The following MARCHF11 variants were observed in gnomAD, a reference collection of about 807,000 sequenced individuals.
The protein encoded by MARCHF11 is membrane associated ring-CH-type finger 11.
MARCHF11 carries 29 observed loss-of-function variants against 37.3 expected under a neutral mutation model. The ratio of observed to expected loss-of-function variants is 0.78; its 90% confidence interval spans 0.58 to 1.06. MARCHF11 has a LOEUF of 1.06. Ranked by LOEUF, MARCHF11 falls within the 50% of genes least tolerant of loss-of-function variation. The pLI, the probability that MARCHF11 is intolerant of heterozygous loss-of-function variation, is 0.00. For missense variants in MARCHF11, 482 were observed against 533.4 expected (o/e 0.90, Z 0.95); for synonymous variants, 233 against 228.0 (o/e 1.02, Z -0.20).
At position 16,070,420 on chromosome 5, in the gene MARCHF11, A is replaced by G. The variant is rs568702225; in HGVS notation, c.887-2627T>C. Among the ~76,000 whole-genome samples the G allele has an allele frequency of 1.9e-4, 29 of 152,356 alleles. No individual in the cohort carries two copies. In the South Asian group the frequency reaches 5.8e-3, roughly 30 times the overall value. ...TTAATTAAAAATCAATAGTGAATCT[A>G]TGTGGTGGGGAACACACATTCGCAC... On this transcript the variant is annotated intron_variant, in intron 3 of 3. Coordinates refer to ENST00000332432, the MANE Select transcript of MARCHF11 (RefSeq NM_001102562.3).
chr5:16,142,761 G>T (rs887522473), intron 2 of MARCHF11, among the ~76,000 whole-genome samples: 6 of 141,152 alleles, frequency 4.3e-5, no homozygotes, highest in African/African-American at 1.6e-4. Flanking sequence ...GCGTGATCTC[G>T]GCTCACCGCA....
At chr5:16,092,928 A>C in intron 2 of MARCHF11, among the ~76,000 whole-genome samples, 1 of 152,178 alleles carries the variant, frequency 6.6e-6, no homozygotes, top group East Asian at 1.9e-4. Flanking sequence ...GTGTCACCAA[A>C]CAGATATGAA....
intron 2 of MARCHF11, among the ~76,000 whole-genome samples, chr5:16,160,128 G>A (rs1738045763): frequency 6.6e-6 from 1 of 150,728 alleles, no homozygotes; most frequent in Admixed American, 6.6e-5. Flanking sequence ...ATCCAAATAA[G>A]TGATATTCTC....
At position 16,134,962 on chromosome 5, in the gene MARCHF11, A is replaced by G. The variant is rs75056237; in HGVS notation, c.693+42764T>C. On this transcript the variant is annotated intron_variant, in intron 2 of 3. Coordinates refer to ENST00000332432, the MANE Select transcript of MARCHF11 (RefSeq NM_001102562.3). ...CATGCCAACTAGTCTCTATACCTGC[A>G]GGATTATGAGTGATTTCTCTCTCTC... Among the ~76,000 whole-genome samples the G allele has an allele frequency of 4.7e-3, 705 of 149,890 alleles. 1 individual carries two copies. Among genetic ancestry groups the G allele is most frequent in the Non-Finnish European group, 8.1e-3 (550 of 67,836 alleles).
At chr5:16,073,778 C>T (rs1018424765) in intron 3 of MARCHF11, among the ~76,000 whole-genome samples, 1 of 152,048 alleles carries the variant, frequency 6.6e-6, no homozygotes, top group Non-Finnish European at 1.5e-5. Flanking sequence ...ACTACAATGT[C>T]TTAATTATAT....
intron 2 of MARCHF11, among the ~76,000 whole-genome samples, chr5:16,111,173 G>A (rs1318735577): frequency 6.6e-6 from 1 of 152,184 alleles, no homozygotes; most frequent in Admixed American, 6.5e-5. Flanking sequence ...GTAGAGTGGG[G>A]TGCTGCTGTA....
intron 2 of MARCHF11, chr5:16,129,277 G>C (rs1011426963): frequency 6.6e-6 from 1 of 152,116 alleles, no homozygotes; most frequent in Non-Finnish European, 1.5e-5. Flanking sequence ...AGTTGGGACC[G>C]TCCAAAGATA....
chr5:16,125,617 CTCTGTGTGTGTGTGTGTGTGTG>C (rs1737391461), intron 2 of MARCHF11, among the ~76,000 whole-genome samples: 2 of 116,924 alleles, frequency 1.7e-5, no homozygotes, highest in African/African-American at 6.8e-5. Context: ...CTGGCACACT[CTCTGTGTGTGTGTGTGTGTGTG>C]TGTGTGTGTG....
At chr5:16,123,385 T>C (rs1192171480) in intron 2 of MARCHF11, among the ~76,000 whole-genome samples, 1 of 152,156 alleles carries the variant, frequency 6.6e-6, no homozygotes, top group East Asian at 1.9e-4. Context: ...CAAGCAGAGA[T>C]GCCCTGAACA....
chr5:16,079,464 C>T (rs1736570697), intron 3 of MARCHF11, among the ~76,000 whole-genome samples: 1 of 152,224 alleles, frequency 6.6e-6, no homozygotes. Context: ...GGTCTTGCTG[C>T]TCTGCCTTCC....
chr5:16,135,147 G>C (rs1012123540), intron 2 of MARCHF11, among the ~76,000 whole-genome samples: 1 of 152,004 alleles, frequency 6.6e-6, no homozygotes, highest in African/African-American at 2.4e-5. Context: ...AACAGCTTTG[G>C]GCCAGTTACT....
At chr5:16,131,001 C>T (rs1182090639) in intron 2 of MARCHF11, among the ~76,000 whole-genome samples, 8 of 152,124 alleles carry the variant, frequency 5.3e-5, no homozygotes, top group Non-Finnish European at 1.0e-4. Context: ...AATATTTACA[C>T]GTGCCTTTAA....
chr5:16,157,302 C>T (rs1737993270), intron 2 of MARCHF11, among the ~76,000 whole-genome samples: 1 of 151,794 alleles, frequency 6.6e-6, no homozygotes, highest in African/African-American at 2.4e-5. Flanking sequence ...CAAACCCTAT[C>T]AAAAGTCCAA....
At chr5:16,135,760 A>G (rs1301580263) in intron 2 of MARCHF11, among the ~76,000 whole-genome samples, 3 of 151,924 alleles carry the variant, frequency 2.0e-5, no homozygotes, top group Non-Finnish European at 4.4e-5. Flanking sequence ...TATTTGGAAC[A>G]CTTATTTGGA....
chr5:16,141,921 T>C (rs997695363), intron 2 of MARCHF11, among the ~76,000 whole-genome samples: 1 of 152,204 alleles, frequency 6.6e-6, no homozygotes, highest in East Asian at 1.9e-4. Context: ...ATCAAGATAT[T>C]GCTGCATTCG....
intron 2 of MARCHF11, among the ~76,000 whole-genome samples, chr5:16,110,098 C>T (rs1040000111): frequency 2.0e-5 from 3 of 152,156 alleles, no homozygotes; most frequent in Admixed American, 2.0e-4. Flanking sequence ...GGGCAACTAT[C>T]GTAACTGCCA....
At position 16,067,719 on chromosome 5, in the gene MARCHF11, C is replaced by T; in HGVS notation, c.961G>A (p.Val321Met). 1.2e-6 allele frequency: 2 copies of T among 1,613,932 alleles called. No homozygotes were observed. The highest frequency in any genetic ancestry group is 1.7e-6 in the Non-Finnish European group (2 of 1,179,856). The change falls in exon 4 of 4, where the codon GTG becomes ATG. Residue 321 changes from valine to methionine, a missense_variant. By Grantham distance (21) the Val-to-Met change is conservative (BLOSUM62 1). Coordinates refer to ENST00000332432, the MANE Select transcript of MARCHF11 (RefSeq NM_001102562.3). ...RWRAVNLHWD[V>M]LNYDKATDIE... ...TCTGTGGCTTTGTCATAATTTAACA[C>T]ATCCCAGTGCAAATTCACAGCTCGC... is the stretch of plus-strand genomic sequence containing the variant.
chr5:16,149,564 C>G (rs3910973), intron 2 of MARCHF11, among the ~76,000 whole-genome samples: 32,449 of 152,010 alleles, frequency 0.21, 3,714 homozygotes, highest in South Asian at 0.3. Context: ...TTCACTTCAC[C>G]CTGTGTTCAT....
intron 2 of MARCHF11, among the ~76,000 whole-genome samples, chr5:16,173,136 A>T (rs1216770430): frequency 6.6e-6 from 1 of 152,250 alleles, no homozygotes; most frequent in East Asian, 1.9e-4. Flanking sequence ...TCTATGGACC[A>T]CATGCAAGTT....
Sources: gnomAD v4.1 joint callset for allele counts (sites outside exome capture counted in the v4.1 genomes callset) on GRCh38, gnomAD v4.1.1 for gene constraint, MANE v1.5 for transcripts, NCBI Gene and HGNC (gene_info 2026-07-23, HGNC 2026-07-21) for gene names.